HS6ST3: variants seen among roughly 807,000 people sequenced by gnomAD.
The protein encoded by HS6ST3 is heparan-sulfate 6-O-sulfotransferase 3.
HS6ST3 carries 12 observed loss-of-function variants against 36.7 expected under a neutral mutation model. That is an observed-to-expected ratio of 0.33 (90% CI 0.21 to 0.53). The LOEUF is 0.53. Ranked by LOEUF, HS6ST3 falls within the 20% of genes least tolerant of loss-of-function variation. The probability of loss-of-function intolerance (pLI) is 0.95; values close to 1 mark genes in which losing one functional copy is unlikely to be tolerated. For missense variants in HS6ST3, 584 were observed against 640.9 expected (o/e 0.91, Z 0.96); for synonymous variants, 240 against 257.5 (o/e 0.93, Z 0.65).
intron 1 of HS6ST3, among the ~76,000 whole-genome samples, chr13:96,158,278 A>G (rs1326046953): frequency 3.9e-5 from 6 of 152,062 alleles, no homozygotes; most frequent in Non-Finnish European, 1.5e-5. Context: ...GGAGGTAAAA[A>G]TGATTGGTGG....
intron 1 of HS6ST3, among the ~76,000 whole-genome samples, chr13:96,319,009 G>T (rs1306350158): frequency 6.6e-6 from 1 of 152,112 alleles, no homozygotes; most frequent in East Asian, 1.9e-4. Context: ...CAACTCAATG[G>T]TTTTTAGTCT....
intron 1 of HS6ST3, among the ~76,000 whole-genome samples, chr13:96,386,455 T>A (rs920443040): frequency 6.6e-6 from 1 of 152,008 alleles, no homozygotes; most frequent in African/African-American, 2.4e-5. Context: ...TCTCACAGAC[T>A]TTTTTTTGTT....
chr13:96,761,814 A>G (rs1327874617), intron 1 of HS6ST3, among the ~76,000 whole-genome samples: 1 of 152,164 alleles, frequency 6.6e-6, no homozygotes, highest in Admixed American at 6.5e-5. Flanking sequence ...ACACACATAC[A>G]CATATTTACT....
At chr13:96,151,139 C>T (rs1394597031) in intron 1 of HS6ST3, among the ~76,000 whole-genome samples, 7 of 152,192 alleles carry the variant, frequency 4.6e-5, no homozygotes, top group Admixed American at 2.6e-4. Context: ...CACCAGGGCT[C>T]ATGCCTGTAA....
chr13:96,585,370 A>G lies in HS6ST3; in HGVS notation c.708-247120A>G, dbSNP rs1050747296. On this transcript the variant is annotated intron_variant, in intron 1 of 1. Transcript: ENST00000376705. ...TAAATTTTTAATTGACAGAAAAATT[A>G]TATGCATTTACTGAGCAAAATATGA... Among the ~76,000 whole-genome samples the G allele has an allele frequency of 3.3e-5, 5 of 152,172 alleles. No individual in the cohort carries two copies. In the South Asian group the frequency reaches 1.0e-3, roughly 31 times the overall value.
chr13:96,269,460 T>A (rs1270220555), intron 1 of HS6ST3, among the ~76,000 whole-genome samples: 47 of 152,138 alleles, frequency 3.1e-4, no homozygotes, highest in Non-Finnish European at 8.8e-5. Flanking sequence ...CAACTAAGCA[T>A]CAATAGCTTG....
intron 1 of HS6ST3, among the ~76,000 whole-genome samples, chr13:96,744,238 A>G (rs1876510827): frequency 6.6e-6 from 1 of 151,928 alleles, no homozygotes; most frequent in Non-Finnish European, 1.5e-5. Context: ...CTGGGCTTGG[A>G]AAATATGAAT....
At position 96,168,916 on chromosome 13, in the gene HS6ST3, C is replaced by G. The variant is rs572301977; in HGVS notation, c.707+77347C>G. 1.8e-4 allele frequency among the ~76,000 whole-genome samples: 28 copies of G among 152,044 alleles called. No individual in the cohort carries two copies. In the East Asian group the frequency reaches 5.0e-3, roughly 27 times the overall value. On this transcript the variant is annotated intron_variant, in intron 1 of 1. Coordinates refer to ENST00000376705, the MANE Select transcript of HS6ST3 (RefSeq NM_153456.4). ...AAATAGATAATTTTTCAACCCTCAC[C>G]CCATCTCACTCTCCCATTTTTGTTT... is the stretch of plus-strand genomic sequence containing the variant.
intron 1 of HS6ST3, among the ~76,000 whole-genome samples, chr13:96,744,577 G>A (rs1876519630): frequency 6.6e-6 from 1 of 152,096 alleles, no homozygotes; most frequent in African/African-American, 2.4e-5. Flanking sequence ...ATGAATAACT[G>A]TTTGACATTT....
chr13:96,626,586 G>A (rs2056513199), intron 1 of HS6ST3, among the ~76,000 whole-genome samples: 5 of 151,882 alleles, frequency 3.3e-5, no homozygotes, highest in Admixed American at 2.6e-4. Context: ...TTGTACCTTG[G>A]TTGTTCTTGA....
intron 1 of HS6ST3, among the ~76,000 whole-genome samples, chr13:96,509,276 G>A (rs2056039291): frequency 6.6e-6 from 1 of 151,962 alleles, no homozygotes; most frequent in South Asian, 2.1e-4. Flanking sequence ...TTTGTAGTTT[G>A]CAAATATTTT....
At chr13:96,597,367 C>T (rs1484052577) in intron 1 of HS6ST3, among the ~76,000 whole-genome samples, 2 of 151,074 alleles carry the variant, frequency 1.3e-5, no homozygotes. Context: ...AAAAAAAGGT[C>T]ATTCTGGCTG....
chr13:96,698,226 T>C (rs1875185587), intron 1 of HS6ST3, among the ~76,000 whole-genome samples: 1 of 152,092 alleles, frequency 6.6e-6, no homozygotes, highest in South Asian at 2.1e-4. Flanking sequence ...CCCCGGTGTG[T>C]GATGTTGCCC....
At chr13:96,376,063 C>T (rs754530921) in intron 1 of HS6ST3, among the ~76,000 whole-genome samples, 49 of 151,968 alleles carry the variant, frequency 3.2e-4, no homozygotes, top group Non-Finnish European at 5.7e-4. Flanking sequence ...CATATGGAAC[C>T]CCGAATGATC....
chr13:96,707,919 G>C lies in HS6ST3; in HGVS notation c.708-124571G>C, dbSNP rs145510728. ...AGAAGTTAATAGTGAACCACTTCAG[G>C]CCCTCTATTGACCATTAATGATCTA... On this transcript the variant is annotated intron_variant, in intron 1 of 1. Coordinates refer to ENST00000376705, the MANE Select transcript of HS6ST3 (RefSeq NM_153456.4). Among the ~76,000 whole-genome samples the C allele has an allele frequency of 2.0e-5, 3 of 152,246 alleles. No individual in the cohort carries two copies. The East Asian group carries it at 5.8e-4, about 29-fold the overall frequency.
At chr13:96,180,500 AAAAT>A (rs1425084894) in intron 1 of HS6ST3, among the ~76,000 whole-genome samples, 2 of 150,384 alleles carry the variant, frequency 1.3e-5, no homozygotes, top group Non-Finnish European at 2.9e-5. Context: ...GAAAGACAGC[AAAAT>A]AAATAAGGAA....
At chr13:96,334,004 C>T (rs1378654403) in intron 1 of HS6ST3, among the ~76,000 whole-genome samples, 1 of 152,030 alleles carries the variant, frequency 6.6e-6, no homozygotes, top group African/African-American at 2.4e-5. Context: ...CTGTCTGGTA[C>T]CTGGCACCAC....
At chr13:96,317,369 A>T (rs12020148) in intron 1 of HS6ST3, among the ~76,000 whole-genome samples, 466 of 16,998 alleles carry the variant, frequency 0.027, 5 homozygotes, top group Non-Finnish European at 0.046. Context: ...TATATATATA[A>T]AATTATATAT....
chr13:96,568,018 C>T (rs2056287862), intron 1 of HS6ST3, among the ~76,000 whole-genome samples: 1 of 152,164 alleles, frequency 6.6e-6, no homozygotes, highest in South Asian at 2.1e-4. Context: ...TCATATACAG[C>T]TGCTGGGAAT....
Sources: gnomAD v4.1 joint callset for allele counts (sites outside exome capture counted in the v4.1 genomes callset) on GRCh38, gnomAD v4.1.1 for gene constraint, MANE v1.5 for transcripts, NCBI Gene and HGNC (gene_info 2026-07-23, HGNC 2026-07-21) for gene names.